The following NEDD4L variants were observed in gnomAD, a reference collection of about 807,000 sequenced individuals.
NEDD4L encodes NEDD4 like E3 ubiquitin protein ligase.
A neutral mutation model predicts 148.9 loss-of-function variants in NEDD4L; 54 were observed. The observed-to-expected ratio is 0.36, with a 90% confidence interval of 0.29 to 0.45. NEDD4L has a LOEUF of 0.45. Ranked by LOEUF, NEDD4L falls within the 20% of genes least tolerant of loss-of-function variation. The pLI, the probability that NEDD4L is intolerant of heterozygous loss-of-function variation, is 1.00. For synonymous variants in NEDD4L, 433 were observed against 440.7 expected, an observed-to-expected ratio of 0.98 and a Z score of 0.22; for missense variants, 856 against 1,233.8, an observed-to-expected ratio of 0.69 and a Z score of 4.59.
At chr18:58,243,592 A>G (rs544130257) in intron 2 of NEDD4L, among the ~76,000 whole-genome samples, 2 of 152,244 alleles carry the variant, frequency 1.3e-5, no homozygotes, top group African/African-American at 4.8e-5. Context: ...CTAAAGCCTG[A>G]GCCTCACTCC....
At chr18:58,217,714 A>G (rs144983655) in intron 2 of NEDD4L, among the ~76,000 whole-genome samples, 32 of 152,324 alleles carry the variant, frequency 2.1e-4, no homozygotes, top group African/African-American at 7.0e-4. Context: ...TAAAACATAA[A>G]GCATTGATCT....
At chr18:58,257,105 A>T (rs1183971198) in intron 5 of NEDD4L, among the ~76,000 whole-genome samples, 1 of 152,194 alleles carries the variant, frequency 6.6e-6, no homozygotes, top group Non-Finnish European at 1.5e-5. Flanking sequence ...CCAAAAAACA[A>T]GTCAGTGCCC....
intron 1 of NEDD4L, among the ~76,000 whole-genome samples, chr18:58,161,246 G>A (rs1199406822): frequency 6.6e-6 from 1 of 152,036 alleles, no homozygotes; most frequent in African/African-American, 2.4e-5. Flanking sequence ...GGTCAGGCTG[G>A]TCTTGAACTC....
At chr18:58,133,307 C>G (rs555298957) in intron 1 of NEDD4L, among the ~76,000 whole-genome samples, 1 of 152,194 alleles carries the variant, frequency 6.6e-6, no homozygotes, top group African/African-American at 2.4e-5. Context: ...TTCCACTGCT[C>G]CCCTGTTTAC....
At chr18:58,374,513 C>T (rs561733429) in intron 24 of NEDD4L, among the ~76,000 whole-genome samples, 6 of 151,492 alleles carry the variant, frequency 4.0e-5, no homozygotes, top group African/African-American at 1.5e-4. Flanking sequence ...GCCTGAGAAT[C>T]CTTACAGACA....
At chr18:58,349,999 A>G (rs1370671946) in intron 17 of NEDD4L, among the ~76,000 whole-genome samples, 4 of 152,228 alleles carry the variant, frequency 2.6e-5, no homozygotes, top group African/African-American at 9.6e-5. Context: ...ATGGGAGAAG[A>G]AGGCCTAATT....
At chr18:58,386,571 G>T (rs2049053626) in intron 26 of NEDD4L, among the ~76,000 whole-genome samples, 1 of 152,206 alleles carries the variant, frequency 6.6e-6, no homozygotes, top group African/African-American at 2.4e-5. Flanking sequence ...CCCTAGCAGT[G>T]GGTGAGGGAT....
chr18:58,227,623 G>A (rs1826434887), intron 2 of NEDD4L, among the ~76,000 whole-genome samples: 1 of 152,152 alleles, frequency 6.6e-6, no homozygotes, highest in African/African-American at 2.4e-5. Context: ...CTGTCCACAA[G>A]GGATTAGCCT....
chr18:58,379,389 G>C (rs1243454624), intron 24 of NEDD4L, among the ~76,000 whole-genome samples: 1 of 152,210 alleles, frequency 6.6e-6, no homozygotes, highest in African/African-American at 2.4e-5. Context: ...GGTTGACACT[G>C]TCACGGTACC....
At chr18:58,196,710 C>CTTTTTTT (rs544883000) in intron 2 of NEDD4L, among the ~76,000 whole-genome samples, 1 of 114,444 alleles carries the variant, frequency 8.7e-6, no homozygotes, top group Non-Finnish European at 1.8e-5. Context: ...CTCTCTCTCT[C>CTTTTTTT]TTTTTTTTTT....
intron 5 of NEDD4L, among the ~76,000 whole-genome samples, chr18:58,276,846 A>G (rs544639779): frequency 6.6e-6 from 1 of 152,228 alleles, no homozygotes; most frequent in East Asian, 1.9e-4. Context: ...CACTTGGCAT[A>G]TTGCAGGGTC....
rs77770768 is a variant in NEDD4L at position 58,145,674 on chromosome 18, G to A, written c.49-20114G>A. ...TGATGAATACTCCTGTAAATACATC[G>A]TTGCCTGCTTGTCTGAGTCTTTCTG... On this transcript the variant is annotated intron_variant, in intron 1 of 30. Coordinates refer to ENST00000400345, the MANE Select transcript of NEDD4L (RefSeq NM_001144967.3). Among the ~76,000 whole-genome samples, 570 of 150,916 alleles carry A rather than the reference G, an allele frequency of 3.8e-3. 1 individual carries two copies. The highest frequency in any genetic ancestry group is 3.9e-3 in the Non-Finnish European group (262 of 67,852).
At chr18:58,263,484 T>A (rs1024491559) in intron 5 of NEDD4L, among the ~76,000 whole-genome samples, 7 of 152,222 alleles carry the variant, frequency 4.6e-5, no homozygotes, top group Non-Finnish European at 8.8e-5. Context: ...GGGTTGTTAT[T>A]AAGCATGTTA....
At chr18:58,179,756 C>T (rs970278239) in intron 2 of NEDD4L, among the ~76,000 whole-genome samples, 12 of 151,904 alleles carry the variant, frequency 7.9e-5, no homozygotes, top group African/African-American at 2.9e-4. Flanking sequence ...CTAGATGGGA[C>T]CATCTAGTTG....
intron 23 of NEDD4L, among the ~76,000 whole-genome samples, chr18:58,371,203 A>ATTTTTTT (rs34960405): frequency 5.3e-4 from 49 of 92,954 alleles, no homozygotes; most frequent in East Asian, 2.1e-3. Flanking sequence ...TGCCTGGCTA[A>ATTTTTTT]TTTTTTTTTT....
At chr18:58,283,050 CTTAT>C (rs10555499) in intron 5 of NEDD4L, among the ~76,000 whole-genome samples, 11,526 of 150,094 alleles carry the variant, frequency 0.077, 575 homozygotes, top group African/African-American at 0.14. Context: ...TGCACACTGC[CTTAT>C]TTATTTATTT....
intron 5 of NEDD4L, among the ~76,000 whole-genome samples, chr18:58,258,730 G>A (rs1476296893): frequency 6.6e-6 from 1 of 152,154 alleles, no homozygotes; most frequent in African/African-American, 2.4e-5. Flanking sequence ...TACGTGGTTA[G>A]TAAGCTGGTT....
intron 30 of NEDD4L, among the ~76,000 whole-genome samples, chr18:58,392,080 G>A (rs577364501): frequency 7.2e-5 from 11 of 152,230 alleles, no homozygotes; most frequent in Non-Finnish European, 1.6e-4. Context: ...CGTGGAGCGT[G>A]GCTGCCCTCA....
intron 1 of NEDD4L, among the ~76,000 whole-genome samples, chr18:58,055,899 T>A (rs1451528234): frequency 6.6e-6 from 1 of 152,228 alleles, no homozygotes; most frequent in East Asian, 1.9e-4. Context: ...CTCAAATCCA[T>A]TTCTCCTTAT....
Sources: gnomAD v4.1 joint callset for allele counts (sites outside exome capture counted in the v4.1 genomes callset) on GRCh38, gnomAD v4.1.1 for gene constraint, MANE v1.5 for transcripts, NCBI Gene and HGNC (gene_info 2026-07-23, HGNC 2026-07-21) for gene names.